TTC28: variants seen among roughly 807,000 people sequenced by gnomAD.
TTC28 encodes tetratricopeptide repeat protein 28.
In TTC28, 61 loss-of-function variants were observed where a neutral mutation model predicts 198.0. The ratio of observed to expected loss-of-function variants is 0.31; its 90% CI spans 0.25 to 0.38. TTC28 has a LOEUF of 0.38. Among genes scored for constraint, TTC28 ranks in the 10% least tolerant of loss-of-function variants. The pLI is 1.00. For synonymous variants in TTC28, 1,171 were observed against 1,297.8 expected (o/e 0.90, Z 2.10); for missense variants, 2,678 against 3,164.0 (o/e 0.85, Z 3.69).
At chr22:28,190,031 T>C (rs568911575) in intron 5 of TTC28, among the ~76,000 whole-genome samples, 1 of 152,306 alleles carries the variant, frequency 6.6e-6, no homozygotes, top group Middle Eastern at 3.4e-3. Context: ...TAAGAAGGTA[T>C]TGTTATTCCC....
intron 13 of TTC28, among the ~76,000 whole-genome samples, chr22:28,019,364 C>A (rs1051940474): frequency 2.6e-5 from 4 of 152,180 alleles, no homozygotes; most frequent in Admixed American, 2.0e-4. Context: ...AACCTCAGCC[C>A]TTCCTGTGTC....
At chr22:28,626,334 T>G (rs1018122479) in intron 2 of TTC28, among the ~76,000 whole-genome samples, 1 of 152,094 alleles carries the variant, frequency 6.6e-6, no homozygotes, top group African/African-American at 2.4e-5. Context: ...ATCTAGTCTC[T>G]GGAGCCTTTA....
intron 19 of TTC28, among the ~76,000 whole-genome samples, chr22:27,991,975 A>G (rs1358255941): frequency 6.6e-6 from 1 of 152,196 alleles, no homozygotes; most frequent in Non-Finnish European, 1.5e-5. Context: ...AAGTACTTTG[A>G]TCAAAGAAGC....
intron 2 of TTC28, among the ~76,000 whole-genome samples, chr22:28,500,251 G>T (rs1435303816): frequency 2.0e-5 from 3 of 152,110 alleles, no homozygotes. Context: ...TTTGCCAGTT[G>T]TGAACACTTC....
chr22:28,679,750 C>A lies in TTC28; in HGVS notation c.-27G>T. 9.5e-6 allele frequency: 11 copies of A among 1,159,440 alleles called. No homozygotes were observed. Among genetic ancestry groups the A allele is most frequent in the Non-Finnish European group, 1.2e-5 (11 of 929,468 alleles). The allele number at this position is 1,159,440 out of a possible 1,614,324, so 71.8% of individuals were successfully genotyped here. A position where few individuals can be genotyped will look rare whatever the true frequency, so the allele number is the denominator to read the frequency against. On this transcript the variant is annotated 5_prime_UTR_variant, in exon 1 of 23. The change creates a new upstream start codon in the 5' untranslated region. Transcript: ENST00000397906. Reference sequence around the variant, plus strand: ...CCCACGGGGCCCGGGCCGCGTCCGCCTCGAGCTAACGGTCCCGCCAGCTAG... The same window carrying A: ...CCCACGGGGCCCGGGCCGCGTCCGCATCGAGCTAACGGTCCCGCCAGCTAG...
intron 2 of TTC28, among the ~76,000 whole-genome samples, chr22:28,523,869 A>G (rs1162324327): frequency 6.6e-6 from 1 of 152,204 alleles, no homozygotes; most frequent in Non-Finnish European, 1.5e-5. Context: ...TGCTTAATAA[A>G]TGCCAAGCAC....
At chr22:27,991,338 C>G (rs1192441922) in intron 19 of TTC28, among the ~76,000 whole-genome samples, 1 of 152,176 alleles carries the variant, frequency 6.6e-6, no homozygotes, top group Admixed American at 6.5e-5. Flanking sequence ...AGAACACAGA[C>G]CTCTAGACCG....
intron 5 of TTC28, among the ~76,000 whole-genome samples, chr22:28,227,879 A>G (rs1039292374): frequency 4.6e-5 from 7 of 152,180 alleles, no homozygotes; most frequent in African/African-American, 1.4e-4. Flanking sequence ...TATACCCAAA[A>G]GAATTGAAAG....
intron 5 of TTC28, among the ~76,000 whole-genome samples, chr22:28,209,992 C>T (rs990469117): frequency 2.0e-5 from 3 of 152,112 alleles, no homozygotes; most frequent in Admixed American, 2.0e-4. Flanking sequence ...ATTTGCTGTT[C>T]GGCAGCCTCC....
intron 2 of TTC28, among the ~76,000 whole-genome samples, chr22:28,397,727 A>G (rs1240887795): frequency 1.3e-5 from 2 of 152,240 alleles, no homozygotes; most frequent in Non-Finnish European, 2.9e-5. Flanking sequence ...AGAAACACTG[A>G]CTTAAGAACA....
At chr22:28,179,633 T>G (rs1368230568) in intron 5 of TTC28, among the ~76,000 whole-genome samples, 2 of 152,214 alleles carry the variant, frequency 1.3e-5, no homozygotes, top group African/African-American at 4.8e-5. Context: ...TGTCACCACA[T>G]TCTCTTTGCT....
At chr22:28,579,151 TATAC>T (rs71194777) in intron 2 of TTC28, among the ~76,000 whole-genome samples, 7,276 of 151,230 alleles carry the variant, frequency 0.048, 258 homozygotes, top group African/African-American at 0.094. Flanking sequence ...TGTATATAGC[TATAC>T]ATACATACAG....
intron 12 of TTC28, 139 bp from the exon 13 acceptor site, chr22:28,030,505 C>T (rs1939032920): frequency 1.8e-5 from 19 of 1,045,848 alleles, no homozygotes. Flanking sequence ...TCACCCCACT[C>T]CCTCCTCAGT....
rs976612069 is a variant in TTC28 at position 28,545,390 on chromosome 22, T to A, written c.381+84162A>T. ...TTCAAGACTAGCCTGGGCAACATAG[T>A]GAGACCCTGTCTCTACAAAAAAAAT... On this transcript the variant is annotated intron_variant, in intron 2 of 22. Transcript: ENST00000397906. Among the ~76,000 whole-genome samples the A allele has an allele frequency of 5.3e-5, 8 of 152,028 alleles. No individual in the cohort carries two copies. In the South Asian group the frequency reaches 1.7e-3, roughly 32 times the overall value.
At chr22:28,100,913 A>C (rs1022777669) in intron 9 of TTC28, among the ~76,000 whole-genome samples, 2 of 152,256 alleles carry the variant, frequency 1.3e-5, no homozygotes, top group African/African-American at 4.8e-5. Context: ...ATATAATTTC[A>C]TATCAATGTT....
At chr22:28,313,516 A>C (rs1484600477) in intron 2 of TTC28, among the ~76,000 whole-genome samples, 1 of 152,148 alleles carries the variant, frequency 6.6e-6, no homozygotes, top group African/African-American at 2.4e-5. Context: ...TATCCACAAC[A>C]ATCAAGACGG....
Position 28,172,071 on chromosome 22 carries a change from C to G in TTC28, c.934-8472G>C, listed in dbSNP as rs553903315. 3.3e-5 allele frequency among the ~76,000 whole-genome samples: 5 copies of G among 152,222 alleles called. No homozygotes were observed. The East Asian group carries it at 7.7e-4, about 24-fold the overall frequency. ...CTCCCCACCTTATTCTTTGTGGGTT[C>G]TTCTCCACCACCTGGCTAGGGAGGA... On this transcript the variant is annotated intron_variant, in intron 5 of 22. Coordinates refer to ENST00000397906, the MANE Select transcript of TTC28 (RefSeq NM_001145418.2).
At chr22:28,258,893 T>C in intron 5 of TTC28, among the ~76,000 whole-genome samples, 1 of 146,058 alleles carries the variant, frequency 6.8e-6, no homozygotes, top group Non-Finnish European at 1.5e-5. Context: ...TGGCAGTGTT[T>C]GGTTAAAGAG....
chr22:28,318,204 C>T (rs191556011), intron 2 of TTC28, among the ~76,000 whole-genome samples: 96 of 152,152 alleles, frequency 6.3e-4, no homozygotes, highest in African/African-American at 2.2e-3. Context: ...GCCACTGCCC[C>T]GGCCGCCTCC....
Sources: allele counts gnomAD v4.1 joint callset (sites outside exome capture counted in the v4.1 genomes callset), GRCh38; gene constraint gnomAD v4.1.1; transcripts MANE v1.5; gene names NCBI Gene and HGNC (gene_info 2026-07-23, HGNC 2026-07-21).